The following PID1 variants were observed in gnomAD, a reference collection of about 807,000 sequenced individuals.
PID1 encodes phosphotyrosine interaction domain containing 1.
PID1 carries 10 observed loss-of-function variants against 19.1 expected under a neutral mutation model. The ratio of observed to expected loss-of-function variants is 0.52; its 90% CI spans 0.32 to 0.89. The LOEUF is 0.89. PID1 is among the 40% of genes least tolerant of loss of function. The pLI is 0.03. For missense variants in PID1, 248 were observed against 285.3 expected, an observed-to-expected ratio of 0.87 and a Z score of 0.94; for synonymous variants, 130 against 116.0, an observed-to-expected ratio of 1.12 and a Z score of -0.78.
At chr2:229,069,294 C>T (rs1031174780) in intron 2 of PID1, among the ~76,000 whole-genome samples, 2 of 151,986 alleles carry the variant, frequency 1.3e-5, no homozygotes, top group African/African-American at 2.4e-5. Context: ...AAAAATATCA[C>T]TCCCAAGGGT....
chr2:229,235,726 T>A (rs974731912), intron 1 of PID1, among the ~76,000 whole-genome samples: 1 of 152,130 alleles, frequency 6.6e-6, no homozygotes, highest in Non-Finnish European at 1.5e-5. Context: ...TTACTTCAAA[T>A]GGATGGGCTG....
chr2:229,245,624 TATC>T (rs1410977020), intron 1 of PID1, among the ~76,000 whole-genome samples: 3 of 152,220 alleles, frequency 2.0e-5, no homozygotes, highest in African/African-American at 7.2e-5. Context: ...CCACACCTTT[TATC>T]AGCAGACTGA....
intron 2 of PID1, among the ~76,000 whole-genome samples, chr2:229,101,737 C>T (rs1695078292): frequency 6.6e-6 from 1 of 152,144 alleles, no homozygotes; most frequent in Non-Finnish European, 1.5e-5. Context: ...AAGACCTTGA[C>T]CTTCAGATCA....
chr2:229,081,789 T>G (rs1240129291), intron 2 of PID1, among the ~76,000 whole-genome samples: 1 of 152,222 alleles, frequency 6.6e-6, no homozygotes, highest in African/African-American at 2.4e-5. Flanking sequence ...TAATAGTGTT[T>G]GCAGAATATG....
intron 1 of PID1, among the ~76,000 whole-genome samples, chr2:229,256,467 C>T (rs1172533034): frequency 6.6e-6 from 1 of 152,194 alleles, no homozygotes; most frequent in Non-Finnish European, 1.5e-5. Context: ...CAATGGAATG[C>T]TTCTTTACAA....
At chr2:229,155,713 T>C in intron 2 of PID1, 105 bp downstream of exon 2, 3 of 1,050,928 alleles carry the variant, frequency 2.9e-6, no homozygotes, top group Non-Finnish European at 4.1e-6. Flanking sequence ...TCATTTTATA[T>C]TTTCATTCTT....
At chr2:229,068,472 C>A (rs1299938364) in intron 2 of PID1, among the ~76,000 whole-genome samples, 1 of 152,070 alleles carries the variant, frequency 6.6e-6, no homozygotes, top group Admixed American at 6.5e-5. Context: ...CTCTGGAAAA[C>A]AAGCACACTT....
chr2:229,192,651 G>A (rs1691285467), intron 1 of PID1, among the ~76,000 whole-genome samples: 1 of 152,128 alleles, frequency 6.6e-6, no homozygotes, highest in Non-Finnish European at 1.5e-5. Flanking sequence ...CTCCAAGCCT[G>A]TTTTTCCATC....
chr2:229,141,323 G>T (rs1264743767), intron 2 of PID1, among the ~76,000 whole-genome samples: 1 of 152,070 alleles, frequency 6.6e-6, no homozygotes, highest in East Asian at 1.9e-4. Flanking sequence ...GATTGTTGGG[G>T]ATGGGGCTGC....
At chr2:229,109,031 T>C (rs1413777070) in intron 2 of PID1, among the ~76,000 whole-genome samples, 1 of 152,188 alleles carries the variant, frequency 6.6e-6, no homozygotes, top group Non-Finnish European at 1.5e-5. Context: ...TCATATCACA[T>C]GGTTAATTCA....
At chr2:229,030,185 T>C (rs1191999432) in intron 2 of PID1, among the ~76,000 whole-genome samples, 1 of 152,224 alleles carries the variant, frequency 6.6e-6, no homozygotes, top group African/African-American at 2.4e-5. Flanking sequence ...TGATTCTATT[T>C]GTATGAAGTA....
At chr2:229,146,467 A>G (rs1200055779) in intron 2 of PID1, among the ~76,000 whole-genome samples, 1 of 152,196 alleles carries the variant, frequency 6.6e-6, no homozygotes, top group East Asian at 1.9e-4. Flanking sequence ...CACGTTCTGC[A>G]CATGTATCCC....
At chr2:229,176,103 C>T (rs989739572) in intron 1 of PID1, among the ~76,000 whole-genome samples, 1 of 151,816 alleles carries the variant, frequency 6.6e-6, no homozygotes, top group African/African-American at 2.4e-5. Context: ...ATTCAACACG[C>T]TCATGAAATT....
intron 2 of PID1, among the ~76,000 whole-genome samples, chr2:229,073,336 T>C (rs1694495530): frequency 6.6e-6 from 1 of 152,146 alleles, no homozygotes; most frequent in Admixed American, 6.5e-5. Context: ...ATTGCTGCCA[T>C]TTTTAAGCTA....
At position 229,271,268 on chromosome 2, in the gene PID1, C is replaced by A. The variant is rs1690732629; in HGVS notation, c.-225G>T. ...CACGGCCGCGCGCCGGCTGTCCTGG[C>A]GCAGCTGCGAGAGGACTGCGCAGCT... On this transcript the variant is annotated 5_prime_UTR_variant, in exon 1 of 3. Coordinates refer to ENST00000392055, the MANE Select transcript of PID1 (RefSeq NM_001100818.2). The A allele has an allele frequency of 5.2e-6, 2 of 385,500 alleles. No homozygotes were observed. The highest frequency in any genetic ancestry group is 9.4e-6 in the Non-Finnish European group (2 of 213,734). 23.9% of individuals were successfully genotyped at this position (385,500 alleles called of 1,614,324 possible).
intron 1 of PID1, chr2:229,227,891 A>G (rs1692114869): frequency 2.2e-6 from 1 of 445,176 alleles, no homozygotes; most frequent in Admixed American, 2.4e-5. Flanking sequence ...TAAGTAATCT[A>G]GAGATGATGG....
At chr2:229,064,411 T>TG (rs1694277785) in intron 2 of PID1, among the ~76,000 whole-genome samples, 1 of 152,066 alleles carries the variant, frequency 6.6e-6, no homozygotes, top group Non-Finnish European at 1.5e-5. Flanking sequence ...AGAAAAATGA[T>TG]GAATTAAGTT....
chr2:229,056,612 A>ATATATATATATAT (rs375335991), intron 2 of PID1, among the ~76,000 whole-genome samples: 5 of 148,146 alleles, frequency 3.4e-5, no homozygotes, highest in Non-Finnish European at 7.4e-5. Flanking sequence ...AAATAAAAAT[A>ATATATATATATAT]ATATATATAT....
intron 1 of PID1, among the ~76,000 whole-genome samples, chr2:229,216,699 T>C (rs1367215637): frequency 6.6e-6 from 1 of 152,018 alleles, no homozygotes; most frequent in African/African-American, 2.4e-5. Flanking sequence ...GAGGAGGAAA[T>C]AAACCAGAAA....
Sources: gnomAD v4.1 joint callset for allele counts (sites outside exome capture counted in the v4.1 genomes callset) on GRCh38, gnomAD v4.1.1 for gene constraint, MANE v1.5 for transcripts, NCBI Gene and HGNC (gene_info 2026-07-23, HGNC 2026-07-21) for gene names.